RASGRF2: variants seen among roughly 807,000 people sequenced by gnomAD.
RASGRF2 encodes Ras protein specific guanine nucleotide releasing factor 2.
Under a neutral mutation model 151.0 loss-of-function variants are expected in RASGRF2, and 76 were observed. The observed-to-expected ratio is 0.50, with a 90% CI of 0.42 to 0.61. The LOEUF is 0.61. RASGRF2 is among the 20% of genes least tolerant of loss of function. The pLI is 0.00. For missense variants in RASGRF2, 1,148 were observed against 1,564.6 expected (o/e 0.73, Z 4.49); for synonymous variants, 504 against 566.5 (o/e 0.89, Z 1.57).
intron 1 of RASGRF2, among the ~76,000 whole-genome samples, chr5:81,014,625 T>G (rs1749572231): frequency 6.6e-6 from 1 of 152,280 alleles, no homozygotes; most frequent in Non-Finnish European, 1.5e-5. Context: ...GTATTCCCTG[T>G]GGTGGGCAGC....
intron 2 of RASGRF2, among the ~76,000 whole-genome samples, chr5:81,054,111 C>T (rs2112420392): frequency 6.6e-6 from 1 of 152,340 alleles, no homozygotes; most frequent in Admixed American, 6.5e-5. Context: ...TTTTGCTGTG[C>T]AGAAGCTCTT....
intron 17 of RASGRF2, among the ~76,000 whole-genome samples, chr5:81,173,895 A>G (rs1482565953): frequency 6.6e-6 from 1 of 152,204 alleles, no homozygotes; most frequent in African/African-American, 2.4e-5. Context: ...CCCTTTGTTC[A>G]CTCAGCACCT....
chr5:80,966,433 T>A (rs1747727005), intron 1 of RASGRF2, among the ~76,000 whole-genome samples: 1 of 152,194 alleles, frequency 6.6e-6, no homozygotes, highest in African/African-American at 2.4e-5. Flanking sequence ...AATATCAACA[T>A]AGCACTGTGA....
chr5:81,154,905 T>C (rs1754225296), intron 17 of RASGRF2, among the ~76,000 whole-genome samples: 2 of 152,188 alleles, frequency 1.3e-5, no homozygotes, highest in Admixed American at 6.5e-5. Flanking sequence ...TCATCAATAG[T>C]GCACAGAGTT....
At chr5:81,145,077 T>C (rs1301396219) in intron 17 of RASGRF2, among the ~76,000 whole-genome samples, 1 of 152,048 alleles carries the variant, frequency 6.6e-6, no homozygotes, top group African/African-American at 2.4e-5. Context: ...ACCCAGTCTC[T>C]ACTAAAAATA....
rs1301483443 is a variant in RASGRF2, at chr5:81,216,358, CACACACACACGCACACACACACACACAA to C, written c.3434+414_3434+441del. Among the ~76,000 whole-genome samples, 799 of 132,644 alleles carry C rather than the reference CACACACACACGCACACACACACACACAA, an allele frequency of 6.0e-3. 6 individuals are homozygous for C. Among genetic ancestry groups the C allele is most frequent in the African/African-American group, 0.021 (743 of 34,796 alleles). 87.0% of individuals were successfully genotyped at this position (132,644 alleles called of 152,430 possible). The stretch of plus-strand genomic sequence containing the variant: ...AGATTATTCCCTTTCTACACACACA[CACACACACACGCACACACACACACACAA>C]ACACACACACACGCAGAGAGAGAGA... On this transcript the variant is annotated intron_variant, in intron 24 of 26. Coordinates refer to ENST00000265080, the MANE Select transcript of RASGRF2 (RefSeq NM_006909.3).
At chr5:80,975,413 T>C (rs1054886433) in intron 1 of RASGRF2, among the ~76,000 whole-genome samples, 1 of 152,130 alleles carries the variant, frequency 6.6e-6, no homozygotes, top group Non-Finnish European at 1.5e-5. Flanking sequence ...TGGCCATTAC[T>C]ACTTAGCCAG....
At chr5:81,005,295 CAT>C (rs1749230027) in intron 1 of RASGRF2, among the ~76,000 whole-genome samples, 1 of 152,148 alleles carries the variant, frequency 6.6e-6, no homozygotes, top group Admixed American at 6.6e-5. Context: ...GGGAAGCAAA[CAT>C]GTCCTTCTTC....
At chr5:81,214,536 T>C (rs1371080595) in intron 23 of RASGRF2, among the ~76,000 whole-genome samples, 2 of 152,138 alleles carry the variant, frequency 1.3e-5, no homozygotes, top group Admixed American at 1.3e-4. Context: ...GTAGGACAGG[T>C]TGTACTTTTG....
At chr5:81,018,065 C>T (rs1200745989) in intron 1 of RASGRF2, among the ~76,000 whole-genome samples, 2 of 151,456 alleles carry the variant, frequency 1.3e-5, no homozygotes, top group African/African-American at 2.4e-5. Context: ...GCCAAGATCG[C>T]GCCACTGCAC....
chr5:81,146,631 G>T (rs770411956), intron 17 of RASGRF2, among the ~76,000 whole-genome samples: 4 of 152,126 alleles, frequency 2.6e-5, no homozygotes, highest in Non-Finnish European at 5.9e-5. Flanking sequence ...TTTTAGAAAA[G>T]AATCCATAGA....
intron 1 of RASGRF2, among the ~76,000 whole-genome samples, chr5:81,015,256 A>G (rs188449973): frequency 2.4e-4 from 36 of 152,316 alleles, no homozygotes; most frequent in Admixed American, 1.0e-3. Flanking sequence ...TAGTAGAATG[A>G]TTTATAATCC....
chr5:81,086,797 ATC>A lies in RASGRF2; in HGVS notation c.1272-32_1272-31del, dbSNP rs780712642. 3 of 1,513,680 alleles carry A rather than the reference ATC, an allele frequency of 2.0e-6. No homozygotes were observed. The East Asian group carries it at 6.8e-5, about 34-fold the overall frequency. 93.8% of individuals were successfully genotyped at this position (1,513,680 alleles called of 1,614,324 possible). A position where few individuals can be genotyped will look rare whatever the true frequency, so the allele number is the denominator to read the frequency against. On this transcript the variant is annotated intron_variant, in intron 8 of 26. Coordinates refer to ENST00000265080, the MANE Select transcript of RASGRF2 (RefSeq NM_006909.3). ...TGCCTACATGCTAGGGCAAGAGAAA[ATC>A]TCTCTTACTGTGATCCTGTCTGTGT...
At position 81,140,989 on chromosome 5, in the gene RASGRF2, G is replaced by GT. The variant is rs1485950887; in HGVS notation, c.2686+13826_2686+13827insT. Among the ~76,000 whole-genome samples, 74 of 93,784 alleles carry GT rather than the reference G, an allele frequency of 7.9e-4. 1 individual carries two copies. The highest frequency in any genetic ancestry group is 4.5e-3 in the East Asian group (8 of 1,796). The allele number at this position is 93,784 out of a possible 152,430, so 61.5% of individuals were successfully genotyped here. A position where few individuals can be genotyped will look rare whatever the true frequency, so the allele number is the denominator to read the frequency against. On this transcript the variant is annotated intron_variant, in intron 17 of 26. Transcript: ENST00000265080. ...TAGGGCTGTCAGATGTGTTTTCTCT[G>GT]GTTTTTTTTTTTCTAGCCAGAAATC... is the stretch of plus-strand genomic sequence containing the variant.
At chr5:81,124,927 A>AC (rs57501783) in intron 16 of RASGRF2, among the ~76,000 whole-genome samples, 55,988 of 151,602 alleles carry the variant, frequency 0.37, 11,545 homozygotes, top group African/African-American at 0.55. Context: ...TCACTCTGTT[A>AC]CCCAGGCTGG....
At chr5:81,162,045 A>G (rs1754396819) in intron 17 of RASGRF2, among the ~76,000 whole-genome samples, 1 of 152,070 alleles carries the variant, frequency 6.6e-6, no homozygotes, top group Non-Finnish European at 1.5e-5. Context: ...TTTTTTAAAT[A>G]TGGGCTCAGT....
chr5:81,029,832 G>A (rs573784274), intron 1 of RASGRF2, among the ~76,000 whole-genome samples: 2 of 152,182 alleles, frequency 1.3e-5, no homozygotes, highest in Admixed American at 6.5e-5. Context: ...GGCTTCAGAC[G>A]ACTGGTAATA....
rs187649185 is a variant in RASGRF2 at position 81,128,687 on chromosome 5, A to G, written c.2686+1524A>G. Among the ~76,000 whole-genome samples the G allele has an allele frequency of 2.5e-3, 378 of 152,320 alleles. 1 individual carries two copies. Among genetic ancestry groups the G allele is most frequent in the Middle Eastern group, 6.8e-3 (2 of 294 alleles). On this transcript the variant is annotated intron_variant, in intron 17 of 26. Transcript: ENST00000265080. Reference sequence around the variant, plus strand: ...AGCTGACTCATAATTCATTTCCAGTAGCTCCACGATTCTTTCTGAGTTGCT... The same window carrying G: ...AGCTGACTCATAATTCATTTCCAGTGGCTCCACGATTCTTTCTGAGTTGCT...
rs1214079109 is a variant in RASGRF2, at chr5:81,015,581, G to T, written c.289-27296G>T. Among the ~76,000 whole-genome samples the T allele has an allele frequency of 5.9e-5, 9 of 151,928 alleles. No homozygotes were observed. The East Asian group carries it at 1.7e-3, about 29-fold the overall frequency. On this transcript the variant is annotated intron_variant, in intron 1 of 26. Transcript: ENST00000265080. ...TTATTTGTGGGCATGTGAATATTCT[G>T]TTCCTTTGCCCACATTTCTATTGGT... is the stretch of plus-strand genomic sequence containing the variant.
Sources: allele counts gnomAD v4.1 joint callset (sites outside exome capture counted in the v4.1 genomes callset), GRCh38; gene constraint gnomAD v4.1.1; transcripts MANE v1.5; gene names NCBI Gene and HGNC (gene_info 2026-07-23, HGNC 2026-07-21).